SRSF6: variants seen among roughly 807,000 people sequenced by gnomAD.
SRSF6 encodes the protein serine/arginine-rich splicing factor 6.
SRSF6 carries 17 observed loss-of-function variants against 42.0 expected under a neutral mutation model. The ratio of observed to expected loss-of-function variants is 0.40; its 90% CI spans 0.28 to 0.61. The LOEUF (loss-of-function observed/expected upper bound fraction) is 0.61, where lower values mean the gene tolerates loss of function less well. Ranked by LOEUF, SRSF6 falls within the 20% of genes least tolerant of loss-of-function variation. SRSF6 has a pLI of 0.37. For synonymous variants in SRSF6, 204 were observed against 166.7 expected (o/e 1.22, Z -1.72); for missense variants, 379 against 471.4 (o/e 0.80, Z 1.81).
rs1056600597 is a variant in SRSF6 at position 43,463,803 on chromosome 20, G to T, written c.*2740G>T. 35 of 152,200 alleles carry T rather than the reference G, an allele frequency of 2.3e-4. No individual in the cohort carries two copies. Among genetic ancestry groups the T allele is most frequent in the African/African-American group, 8.2e-4 (34 of 41,452 alleles). The allele number at this position is 152,200 out of a possible 1,614,324, so 9.4% of individuals were successfully genotyped here. ...GCAACTCATTAATCACTGTGCTTCA[G>T]TGTCATCCATGAAACTAGGGATAAA... On this transcript the variant is annotated 3_prime_UTR_variant, in exon 6 of 6. Transcript: ENST00000244020.
intron 4 of SRSF6, 25 bp from the exon 5 acceptor site, chr20:43,460,490 G>C: frequency 6.2e-7 from 1 of 1,610,490 alleles, no homozygotes; most frequent in Non-Finnish European, 8.5e-7. Context: ...TTGGGATTAA[G>C]ACTTCATTGT....
chr20:43,460,004 T>G (rs756762904), intron 3 of SRSF6, 29 bp from the exon 4 acceptor site: 1 of 1,613,876 alleles, frequency 6.2e-7, no homozygotes, highest in Non-Finnish European at 8.5e-7. Context: ...GTTTTAAGAT[T>G]TCCGAGTCTG....
intron 2 of SRSF6, 136 bp downstream of exon 2, chr20:43,458,645 C>A: frequency 1.1e-6 from 1 of 916,268 alleles, no homozygotes; most frequent in Non-Finnish European, 1.5e-6. Context: ...CCGCTGCCTT[C>A]ACGTCTGCCC....
At position 43,463,850 on chromosome 20, in the gene SRSF6, T is replaced by A. The variant is rs558121084; in HGVS notation, c.*2787T>A. On this transcript the variant is annotated 3_prime_UTR_variant, in exon 6 of 6. Transcript: ENST00000244020. Reference sequence around the variant, plus strand: ...TAAAACATGCATGGGATGTGAAGATTAAAAGTCAAGAATATGAACAGTACA... The same window carrying A: ...TAAAACATGCATGGGATGTGAAGATAAAAAGTCAAGAATATGAACAGTACA... 6.6e-6 allele frequency: 1 copy of A among 152,230 alleles called. No homozygotes were observed. The highest frequency in any genetic ancestry group is 2.4e-5 in the African/African-American group (1 of 41,458). The allele number at this position is 152,230 out of a possible 1,614,324, so 9.4% of individuals were successfully genotyped here.
In SRSF6 at chr20:43,460,746, G is replaced by C; in HGVS notation, c.718G>C (p.Gly240Arg). Reference protein sequence around the residue: ...SKGRSRSRSKGRKSRSKSKSK... With the variant: ...SKGRSRSRSKRRKSRSKSKSK... ...AGGTCGATCACGTTCTCGATCAAAA[G>C]GCAGGAAATCTAGATCAAAGAGCAA... is the stretch of plus-strand genomic sequence containing the variant. The change falls in exon 6 of 6, where the codon GGC (glycine) becomes CGC (arginine). Residue 240 changes from glycine (G) to arginine (R), a missense_variant. Around this residue, in one of 3 missense-constraint regions of SRSF6, gnomAD observed 219 missense variants for 216.1 expected, o/e 1.01. Transcript: ENST00000244020. The C allele has an allele frequency of 6.2e-7, 1 of 1,613,950 alleles. No homozygotes were observed. The highest frequency in any genetic ancestry group is 1.3e-5 in the African/African-American group (1 of 75,024).
chr20:43,459,325 T>C (rs752981083), intron 2 of SRSF6: 1 of 1,352,184 alleles, frequency 7.4e-7, no homozygotes, highest in Non-Finnish European at 9.8e-7. Context: ...ATGGTGAGGA[T>C]TCCAAGGGTT....
Position 43,460,853 on chromosome 20 carries a change from G to A in SRSF6, c.825G>A (p.Arg275=). ...ATGAGTATGAGAAATCTCGAAGCAG[G>A]TCTCGGTCCCGATCCCCTAAAGAAA... ...SKDEYEKSRS[R]SRSRSPKENG... The change falls in exon 6 of 6, where the codon AGG becomes AGA. Residue 275 remains arginine, a synonymous_variant. Transcript: ENST00000244020. The A allele has an allele frequency of 6.2e-7, 1 of 1,614,154 alleles. No homozygotes were observed. The highest frequency in any genetic ancestry group is 8.5e-7 in the Non-Finnish European group (1 of 1,180,034).
chr20:43,457,938 T>C lies in SRSF6; in HGVS notation c.-96T>C, dbSNP rs1209699050. The C allele has an allele frequency of 4.9e-6, 5 of 1,013,142 alleles. No individual in the cohort carries two copies. Among genetic ancestry groups the C allele is most frequent in the Admixed American group, 2.1e-5 (1 of 48,344 alleles). 62.8% of individuals were successfully genotyped at this position (1,013,142 alleles called of 1,614,324 possible). ...GGCCGCCCCTGTGGTGTGAGGCGCG[T>C]GTTCGGGCTCTTGCCGTCCCCGCAC... On this transcript the variant is annotated 5_prime_UTR_variant, in exon 1 of 6. Transcript: ENST00000244020.
chr20:43,463,196 T>C lies in SRSF6; in HGVS notation c.*2133T>C, dbSNP rs2017633912. Reference sequence around the variant, plus strand: ...AGGTAAATGCCTGCACCCATAATTTTCTAGTAATAGCCACGACCAATTTAT... The same window carrying C: ...AGGTAAATGCCTGCACCCATAATTTCCTAGTAATAGCCACGACCAATTTAT... On this transcript the variant is annotated 3_prime_UTR_variant, in exon 6 of 6. Coordinates refer to ENST00000244020, the MANE Select transcript of SRSF6 (RefSeq NM_006275.6). 1 of 154,698 alleles carries C rather than the reference T, an allele frequency of 6.5e-6. No individual in the cohort carries two copies. The highest frequency in any genetic ancestry group is 2.4e-5 in the African/African-American group (1 of 41,476). The allele number at this position is 154,698 out of a possible 1,614,324, so 9.6% of individuals were successfully genotyped here.
chr20:43,459,963 T>C, intron 3 of SRSF6, 68 bp downstream of exon 3: 1 of 1,604,418 alleles, frequency 6.2e-7, no homozygotes, highest in Admixed American at 1.7e-5. Flanking sequence ...TTTATATTCT[T>C]ATTTCTGGGA....
At chr20:43,458,286 G>T in intron 1 of SRSF6, 75 bp from the exon 2 acceptor site, 3 of 1,409,056 alleles carry the variant, frequency 2.1e-6, no homozygotes, top group Non-Finnish European at 2.8e-6. Context: ...GCGCGCGGTG[G>T]GGTACGGGCG....
rs375028536 is a variant in SRSF6, at chr20:43,460,030, C to T, written c.382-3C>T. The stretch of plus-strand genomic sequence containing the variant: ...TCCGAGTCTGACCAATCTTGTCTTT[C>T]AGGATTTTATGCGACAAGCAGGTGA... On this transcript the variant is annotated splice_region_variant and splice_polypyrimidine_tract_variant and intron_variant, in intron 3 of 5. Coordinates refer to ENST00000244020, the MANE Select transcript of SRSF6 (RefSeq NM_006275.6). 12 of 1,614,138 alleles carry T rather than the reference C, an allele frequency of 7.4e-6. No individual in the cohort carries two copies. The highest frequency in any genetic ancestry group is 4.0e-5 in the African/African-American group (3 of 75,036).
Position 43,461,337 on chromosome 20 carries a change from G to GTTTGTTTTTTTTTTTTTTT in SRSF6, c.*277_*278insGTTTTTTTTTTTTTTTTTT, listed in dbSNP as rs2017589449. On this transcript the variant is annotated 3_prime_UTR_variant, in exon 6 of 6. Coordinates refer to ENST00000244020, the MANE Select transcript of SRSF6 (RefSeq NM_006275.6). ...GTAAAGATTAAGCTCATTTAGTGTTGTTTTTTTTTTTTTTTTTTTTTTTTT... is the reference window on the plus strand; with the variant it reads ...GTAAAGATTAAGCTCATTTAGTGTTGTTTGTTTTTTTTTTTTTTTTTTTTTTTTTTTTTTTTTTTTTTTT... 4.6e-5 allele frequency: 2 copies of GTTTGTTTTTTTTTTTTTTT among 43,828 alleles called. No individual in the cohort carries two copies. The highest frequency in any genetic ancestry group is 5.8e-4 in the Admixed American group (2 of 3,448). The allele number at this position is 43,828 out of a possible 1,614,324, so 2.7% of individuals were successfully genotyped here.
At chr20:43,458,894 C>T (rs1324173050) in intron 2 of SRSF6, among the ~76,000 whole-genome samples, 1 of 70,602 alleles carries the variant, frequency 1.4e-5, no homozygotes, top group African/African-American at 5.6e-5. Context: ...GCGCGGGGGA[C>T]GGGGAAGGGG....
In SRSF6 at chr20:43,463,017, T is replaced by A. The variant is rs2017629790; in HGVS notation, c.*1954T>A. ...AAAAGCTTTTTGAACTACAGCCTTT[T>A]TAAAAGAGGGATGGGAGGATATTAC... On this transcript the variant is annotated 3_prime_UTR_variant, in exon 6 of 6. Coordinates refer to ENST00000244020, the MANE Select transcript of SRSF6 (RefSeq NM_006275.6). The A allele has an allele frequency of 6.6e-6, 1 of 152,384 alleles. No individual in the cohort carries two copies. The highest frequency in any genetic ancestry group is 6.5e-5 in the Admixed American group (1 of 15,274). The allele number at this position is 152,384 out of a possible 1,614,324, so 9.4% of individuals were successfully genotyped here.
rs1299271161 is a variant in SRSF6 at position 43,462,023 on chromosome 20, A to C, written c.*960A>C. ...GTTTATTCAAAGTGTAAAAGCACAT[A>C]CTGCATTTTCTGCTGAAAGATCATT... On this transcript the variant is annotated 3_prime_UTR_variant, in exon 6 of 6. Transcript: ENST00000244020. 3 of 152,224 alleles carry C rather than the reference A, an allele frequency of 2.0e-5. No individual in the cohort carries two copies. The highest frequency in any genetic ancestry group is 4.4e-5 in the Non-Finnish European group (3 of 68,036). 9.4% of individuals were successfully genotyped at this position (152,224 alleles called of 1,614,324 possible). A position where few individuals can be genotyped will look rare whatever the true frequency, so the allele number is the denominator to read the frequency against.
intron 1 of SRSF6, 33 bp from the exon 2 acceptor site, chr20:43,458,328 C>T (rs1017449279): frequency 6.6e-7 from 1 of 1,509,338 alleles, no homozygotes; most frequent in Non-Finnish European, 8.9e-7. Context: ...TAACGACTCC[C>T]CCGCGGTTGT....
rs185820247 is a variant in SRSF6 at position 43,460,608 on chromosome 20, G to A, written c.674+10G>A. 4.5e-5 allele frequency: 72 copies of A among 1,614,110 alleles called. 1 individual carries two copies. The South Asian group carries it at 4.6e-4, about 10-fold the overall frequency. Reference sequence around the variant, plus strand: ...CAAAAAGTCGCTCCCGGTAAATAACGTTGTGTTGAGTCACTGTGAATATTA... The same window carrying A: ...CAAAAAGTCGCTCCCGGTAAATAACATTGTGTTGAGTCACTGTGAATATTA... On this transcript the variant is annotated intron_variant, in intron 5 of 5. Transcript: ENST00000244020.
chr20:43,458,320 A>G, intron 1 of SRSF6, 41 bp from the exon 2 acceptor site: 2 of 1,489,192 alleles, frequency 1.3e-6, no homozygotes, highest in Non-Finnish European at 1.8e-6. Flanking sequence ...GTCCTGGCTA[A>G]CGACTCCCCC....
Sources: gnomAD v4.1 joint callset for allele counts (sites outside exome capture counted in the v4.1 genomes callset) on GRCh38, gnomAD v4.1.1 for gene constraint, gnomAD v4.1.1 regional missense constraint, MANE v1.5 for transcripts, NCBI Gene and HGNC (gene_info 2026-07-23, HGNC 2026-07-21) for gene names.